MAP2K5: variants seen among roughly 807,000 people sequenced by gnomAD.
The protein encoded by MAP2K5 is dual specificity mitogen-activated protein kinase kinase 5.
A neutral mutation model predicts 83.1 loss-of-function variants in MAP2K5; 49 were observed. The observed-to-expected ratio is 0.59, with a 90% CI of 0.47 to 0.75. The LOEUF is 0.75. MAP2K5 is among the 30% of genes least tolerant of loss of function. The pLI is 0.00. For synonymous variants in MAP2K5, 202 were observed against 191.8 expected (o/e 1.05, Z -0.44); for missense variants, 457 against 557.5 (o/e 0.82, Z 1.82).
intron 8 of MAP2K5, among the ~76,000 whole-genome samples, chr15:67,604,180 C>T (rs938140755): frequency 2.6e-5 from 4 of 152,190 alleles, no homozygotes; most frequent in African/African-American, 7.2e-5. Flanking sequence ...TGTCTCCTGA[C>T]GAGCTGTGCT....
chr15:67,762,153 A>G (rs1034805500), intron 19 of MAP2K5, among the ~76,000 whole-genome samples: 3 of 152,210 alleles, frequency 2.0e-5, no homozygotes, highest in Non-Finnish European at 4.4e-5. Context: ...GTTTTATGAA[A>G]AGCAGTAGAA....
At chr15:67,728,757 T>C (rs1340694366) in intron 17 of MAP2K5, among the ~76,000 whole-genome samples, 1 of 152,264 alleles carries the variant, frequency 6.6e-6, no homozygotes, top group Admixed American at 6.5e-5. Context: ...TAACTTGCTA[T>C]TATTATGCAA....
chr15:67,650,798 T>A (rs550662182), intron 11 of MAP2K5, among the ~76,000 whole-genome samples: 4 of 152,300 alleles, frequency 2.6e-5, no homozygotes, highest in African/African-American at 9.6e-5. Flanking sequence ...TCTTTTTTTG[T>A]GATGTCAGTG....
intron 13 of MAP2K5, among the ~76,000 whole-genome samples, chr15:67,682,588 C>G (rs923897843): frequency 6.6e-5 from 10 of 150,744 alleles, no homozygotes; most frequent in African/African-American, 1.9e-4. Flanking sequence ...AATCCCAGCA[C>G]TTTGGGAGGC....
In MAP2K5 at chr15:67,801,169, G is replaced by T. The variant is rs1199427508; in HGVS notation, c.1243-5477G>T. Among the ~76,000 whole-genome samples, 2 of 152,120 alleles carry T rather than the reference G, an allele frequency of 1.3e-5. No individual in the cohort carries two copies. Among genetic ancestry groups the T allele is most frequent in the Non-Finnish European group, 2.9e-5 (2 of 68,024 alleles). ...AGTGTTATCACAGCCAAGCGGGCTGGAATCCTAAAGGGAGATGCATAGAGC... is the reference window on the plus strand; with the variant it reads ...AGTGTTATCACAGCCAAGCGGGCTGTAATCCTAAAGGGAGATGCATAGAGC... On this transcript the variant is annotated intron_variant, in intron 21 of 21. Transcript: ENST00000178640. The surrounding 1 kb of genome is among the most constrained non-coding windows in gnomAD (Gnocchi z 4.8).
chr15:67,744,565 T>C (rs1339852959), intron 17 of MAP2K5, among the ~76,000 whole-genome samples: 1 of 152,250 alleles, frequency 6.6e-6, no homozygotes, highest in Admixed American at 6.5e-5. Context: ...GTGTCTTCTC[T>C]AAGTTACATA....
Position 67,698,556 on chromosome 15 carries a change from C to T in MAP2K5, c.973-4781C>T, listed in dbSNP as rs1455451496. ...TAGAAGTTCCTAAAACTTTAACCAA[C>T]TATTCAGTCTTCCTGGCTTACTATC... is the stretch of plus-strand genomic sequence containing the variant. On this transcript the variant is annotated intron_variant, in intron 15 of 21. Transcript: ENST00000178640. The surrounding 1 kb of genome is among the most constrained non-coding windows in gnomAD (Gnocchi z 4.5). Among the ~76,000 whole-genome samples, 1 of 152,164 alleles carries T rather than the reference C, an allele frequency of 6.6e-6. No homozygotes were observed. The highest frequency in any genetic ancestry group is 2.4e-5 in the African/African-American group (1 of 41,442).
intron 7 of MAP2K5, among the ~76,000 whole-genome samples, chr15:67,600,076 A>G (rs771617970): frequency 1.3e-5 from 2 of 152,296 alleles, no homozygotes; most frequent in East Asian, 3.9e-4. Flanking sequence ...ATATTCGACT[A>G]TATGTGCATC....
intron 7 of MAP2K5, among the ~76,000 whole-genome samples, chr15:67,594,202 T>C (rs1721361770): frequency 6.6e-6 from 1 of 152,148 alleles, no homozygotes; most frequent in Admixed American, 6.5e-5. Flanking sequence ...ACATTTTAGA[T>C]AGTATTTATC....
At chr15:67,550,324 C>G (rs137904882) in intron 2 of MAP2K5, among the ~76,000 whole-genome samples, 1 of 152,276 alleles carries the variant, frequency 6.6e-6, no homozygotes, top group East Asian at 1.9e-4. Flanking sequence ...ACCAGCATGA[C>G]CTTTATCTGC....
At chr15:67,734,734 T>G (rs2089300714) in intron 17 of MAP2K5, among the ~76,000 whole-genome samples, 1 of 152,172 alleles carries the variant, frequency 6.6e-6, no homozygotes, top group South Asian at 2.1e-4. Context: ...AAAGAGGTAT[T>G]AGAATCTATC....
chr15:67,678,921 G>T (rs1241220424), intron 13 of MAP2K5, among the ~76,000 whole-genome samples: 1 of 132,834 alleles, frequency 7.5e-6, no homozygotes, highest in Non-Finnish European at 1.5e-5. Flanking sequence ...GTGAGATCGT[G>T]CCACTGCACT....
At chr15:67,586,736 C>T in intron 5 of MAP2K5, 110 bp from the exon 6 acceptor site, 1 of 968,690 alleles carries the variant, frequency 1.0e-6, no homozygotes, top group Admixed American at 1.7e-5. Flanking sequence ...TGTCTAGCAA[C>T]AAGCTAATTA....
chr15:67,653,831 C>G (rs544517934), intron 11 of MAP2K5, among the ~76,000 whole-genome samples: 1 of 152,054 alleles, frequency 6.6e-6, no homozygotes, highest in Admixed American at 6.6e-5. Context: ...TTCCTCTAAG[C>G]ACGGCTTTAG....
chr15:67,604,174 TC>T (rs1164747210), intron 8 of MAP2K5, among the ~76,000 whole-genome samples: 1 of 152,266 alleles, frequency 6.6e-6, no homozygotes, highest in Admixed American at 6.5e-5. Context: ...GTGTGCTGTC[TC>T]CTGACGAGCT....
chr15:67,756,531 G>GTGTA (rs1555404043), intron 19 of MAP2K5, among the ~76,000 whole-genome samples: 2 of 77,888 alleles, frequency 2.6e-5, no homozygotes, highest in Non-Finnish European at 5.4e-5. Flanking sequence ...GTGTGTGTGT[G>GTGTA]TGTGTGTGTG....
At position 67,562,588 on chromosome 15, in the gene MAP2K5, G is replaced by A. The variant is rs1596561330; in HGVS notation, c.185-695G>A. Among the ~76,000 whole-genome samples the A allele has an allele frequency of 6.6e-6, 1 of 152,132 alleles. No individual in the cohort carries two copies. The highest frequency in any genetic ancestry group is 1.5e-5 in the Non-Finnish European group (1 of 68,028). ...AAATTATTTCAAAATAGCATGAATA[G>A]CATTTGAAGCTTTCTATGGCTGGAG... On this transcript the variant is annotated intron_variant, in intron 2 of 21. Transcript: ENST00000178640. This position sits in a 1 kb window ranked among gnomAD's most constrained non-coding sequence, Gnocchi z 4.1.
chr15:67,763,207 C>G (rs540833623), intron 19 of MAP2K5, among the ~76,000 whole-genome samples: 2 of 152,076 alleles, frequency 1.3e-5, no homozygotes, highest in South Asian at 4.2e-4. Context: ...TGTAACACAC[C>G]GAGAAGTAGG....
At position 67,720,109 on chromosome 15, in the gene MAP2K5, A is replaced by G. The variant is rs911524858; in HGVS notation, c.1045-7807A>G. Among the ~76,000 whole-genome samples, 13 of 152,186 alleles carry G rather than the reference A, an allele frequency of 8.5e-5. No individual in the cohort carries two copies. Among genetic ancestry groups the G allele is most frequent in the African/African-American group, 2.9e-4 (12 of 41,450 alleles). On this transcript the variant is annotated intron_variant, in intron 16 of 21. Transcript: ENST00000178640. The surrounding 1 kb of genome is among the most constrained non-coding windows in gnomAD (Gnocchi z 5.7). Reference sequence around the variant, plus strand: ...TTTTCCCCTTTTTTATTTATCAATTAGCTGCCTTATACTTACTATGGCCTA... The same window carrying G: ...TTTTCCCCTTTTTTATTTATCAATTGGCTGCCTTATACTTACTATGGCCTA...
Sources: allele counts gnomAD v4.1 joint callset (sites outside exome capture counted in the v4.1 genomes callset), GRCh38; gene constraint gnomAD v4.1.1; non-coding constraint Gnocchi (gnomAD v3.1); transcripts MANE v1.5; gene names NCBI Gene and HGNC (gene_info 2026-07-23, HGNC 2026-07-21).